AGBL1: variants seen among roughly 807,000 people sequenced by gnomAD.
The protein encoded by AGBL1 is AGBL carboxypeptidase 1.
AGBL1 carries 130 observed loss-of-function variants against 118.9 expected under a neutral mutation model. The observed-to-expected ratio is 1.09, with a 90% confidence interval of 0.95 to 1.26. AGBL1 has a LOEUF of 1.26. AGBL1 is among the 50% of genes most tolerant of loss of function. The pLI is 0.00. For synonymous variants in AGBL1, 555 were observed against 478.9 expected, an observed-to-expected ratio of 1.16 and a Z score of -2.08; for missense variants, 1,584 against 1,298.1, an observed-to-expected ratio of 1.22 and a Z score of -3.38.
chr15:86,971,640 C>T (rs975726365), intron 23 of AGBL1, among the ~76,000 whole-genome samples: 2 of 151,910 alleles, frequency 1.3e-5, no homozygotes, highest in African/African-American at 4.8e-5. Context: ...CATGATTTCT[C>T]CTCTTATTTG....
rs548765759 is a variant in AGBL1 at position 86,914,474 on chromosome 15, G to T, written c.*7180G>T. 1.3e-4 allele frequency: 20 copies of T among 152,230 alleles called. No homozygotes were observed. Among genetic ancestry groups the T allele is most frequent in the African/African-American group, 4.8e-4 (20 of 41,542 alleles). The allele number at this position is 152,230 out of a possible 1,614,324, so 9.4% of individuals were successfully genotyped here. On this transcript the variant is annotated 3_prime_UTR_variant, in exon 23 of 23. Transcript: ENST00000614907. ...CTGGAATCTGTTCCCGGGGAAATCT[G>T]ACTTCCTAACTCATGCTCCCTCCAC...
chr15:86,897,724 T>C (rs2080148732), intron 22 of AGBL1, among the ~76,000 whole-genome samples: 1 of 151,728 alleles, frequency 6.6e-6, no homozygotes, highest in Non-Finnish European at 1.5e-5. Context: ...TCACCTTTTT[T>C]TTTCTTGAAC....
intron 18 of AGBL1, among the ~76,000 whole-genome samples, chr15:86,511,528 A>C (rs1476735000): frequency 1.3e-5 from 2 of 152,024 alleles, no homozygotes; most frequent in Non-Finnish European, 2.9e-5. Flanking sequence ...TTTACTCTTT[A>C]TTCAGAGGCT....
chr15:86,845,616 C>T (rs564614399), intron 22 of AGBL1, among the ~76,000 whole-genome samples: 30 of 152,274 alleles, frequency 2.0e-4, no homozygotes, highest in Non-Finnish European at 3.1e-4. Context: ...GAAATGTATT[C>T]TCCATCTCAA....
At chr15:86,293,525 T>C (rs918884138) in intron 16 of AGBL1, among the ~76,000 whole-genome samples, 2 of 152,170 alleles carry the variant, frequency 1.3e-5, no homozygotes, top group African/African-American at 2.4e-5. Context: ...TGTGATTAGA[T>C]TGGCCACAAC....
chr15:86,330,227 A>G (rs2080248669), intron 17 of AGBL1, among the ~76,000 whole-genome samples: 1 of 152,180 alleles, frequency 6.6e-6, no homozygotes, highest in African/African-American at 2.4e-5. Flanking sequence ...GTAAACAAGG[A>G]TCAAGTATAT....
In AGBL1 at chr15:86,911,825, A is replaced by T. The variant is rs2080355847; in HGVS notation, c.*4531A>T. 1 of 152,204 alleles carries T rather than the reference A, an allele frequency of 6.6e-6. No homozygotes were observed. The highest frequency in any genetic ancestry group is 2.4e-5 in the African/African-American group (1 of 41,442). 9.4% of individuals were successfully genotyped at this position (152,204 alleles called of 1,614,324 possible). A position where few individuals can be genotyped will look rare whatever the true frequency, so the allele number is the denominator to read the frequency against. ...CTCATCACCCAATGCCAAGTTATAT[A>T]TAATCTCTCTTCCATGCCCCTGTTG... On this transcript the variant is annotated 3_prime_UTR_variant, in exon 23 of 23. Coordinates refer to ENST00000614907, the MANE Select transcript of AGBL1 (RefSeq NM_001386094.1).
intron 24 of AGBL1, among the ~76,000 whole-genome samples, chr15:86,995,909 A>C (rs1185298437): frequency 2.6e-5 from 4 of 152,168 alleles, no homozygotes; most frequent in Admixed American, 2.0e-4. Context: ...TTCTAATTTT[A>C]TGACACCACT....
chr15:86,097,395 TGAACACTA>T (rs1024979535), intron 1 of AGBL1, among the ~76,000 whole-genome samples: 5 of 152,128 alleles, frequency 3.3e-5, no homozygotes, highest in Non-Finnish European at 7.4e-5. Context: ...ACTCTCCTAT[TGAACACTA>T]GAACTTATTT....
Position 86,914,970 on chromosome 15 carries a change from C to G in AGBL1, c.*7676C>G, listed in dbSNP as rs938953252. 1 of 152,194 alleles carries G rather than the reference C, an allele frequency of 6.6e-6. No homozygotes were observed. Among genetic ancestry groups the G allele is most frequent in the Non-Finnish European group, 1.5e-5 (1 of 68,038 alleles). The allele number at this position is 152,194 out of a possible 1,614,324, so 9.4% of individuals were successfully genotyped here. ...AATCTCCTCCCAACAAAATCTCTAC[C>G]TCCAAATTCCTAAACTTGATTATGC... On this transcript the variant is annotated 3_prime_UTR_variant, in exon 23 of 23. Coordinates refer to ENST00000614907, the MANE Select transcript of AGBL1 (RefSeq NM_001386094.1).
chr15:86,218,531 G>A (rs566047355), intron 5 of AGBL1, among the ~76,000 whole-genome samples: 1 of 152,226 alleles, frequency 6.6e-6, no homozygotes, highest in Non-Finnish European at 1.5e-5. Flanking sequence ...GCTGAAACTT[G>A]TTTTTAACCC....
intron 18 of AGBL1, among the ~76,000 whole-genome samples, chr15:86,408,631 A>T (rs1428170578): frequency 6.6e-6 from 1 of 152,142 alleles, no homozygotes; most frequent in Non-Finnish European, 1.5e-5. Context: ...TTTTTGCTTC[A>T]TTTGGTTTTT....
intron 22 of AGBL1, among the ~76,000 whole-genome samples, chr15:86,825,968 G>A (rs1567193445): frequency 6.6e-6 from 1 of 151,840 alleles, no homozygotes; most frequent in African/African-American, 2.4e-5. Flanking sequence ...TACACATGCA[G>A]TTGTAAGAAA....
At chr15:86,090,470 A>G (rs769161937) in intron 1 of AGBL1, among the ~76,000 whole-genome samples, 2 of 152,130 alleles carry the variant, frequency 1.3e-5, no homozygotes, top group Non-Finnish European at 2.9e-5. Flanking sequence ...TTATATACCT[A>G]TATCTTTATC....
chr15:86,425,663 G>C (rs2081857906), intron 18 of AGBL1, among the ~76,000 whole-genome samples: 1 of 152,146 alleles, frequency 6.6e-6, no homozygotes, highest in Admixed American at 6.5e-5. Flanking sequence ...TTAAACTTCT[G>C]GTAATTTATA....
At chr15:86,196,875 G>GCGCA (rs898198414) in intron 5 of AGBL1, among the ~76,000 whole-genome samples, 2 of 86,696 alleles carry the variant, frequency 2.3e-5, no homozygotes, top group African/African-American at 1.2e-4. Flanking sequence ...ATGTGCGCGC[G>GCGCA]CGCGCACACA....
In AGBL1 at chr15:86,907,298, C is replaced by T. The variant is rs1046117447; in HGVS notation, c.*4C>T. On this transcript the variant is annotated 3_prime_UTR_variant, in exon 23 of 23. Transcript: ENST00000614907. ...GGGAGGAGAAGCCATCCCATAGCCCCGAGGTTCACAGCAAGTTCTGTGTCT... is the reference window on the plus strand; with the variant it reads ...GGGAGGAGAAGCCATCCCATAGCCCTGAGGTTCACAGCAAGTTCTGTGTCT... 7 of 152,286 alleles carry T rather than the reference C, an allele frequency of 4.6e-5. No individual in the cohort carries two copies. Among genetic ancestry groups the T allele is most frequent in the Non-Finnish European group, 7.3e-5 (5 of 68,198 alleles). The allele number at this position is 152,286 out of a possible 1,614,324, so 9.4% of individuals were successfully genotyped here.
intron 20 of AGBL1, among the ~76,000 whole-genome samples, chr15:86,554,020 C>T (rs1431773992): frequency 1.3e-5 from 2 of 152,092 alleles, no homozygotes; most frequent in Non-Finnish European, 2.9e-5. Flanking sequence ...GCCACCACAT[C>T]CAGCTAATTT....
At chr15:86,130,886 G>C (rs535013178) in intron 1 of AGBL1, among the ~76,000 whole-genome samples, 1 of 152,156 alleles carries the variant, frequency 6.6e-6, no homozygotes, top group Admixed American at 6.5e-5. Flanking sequence ...GGTGTCTCTT[G>C]TATGGTTGCA....
Sources: gnomAD v4.1 joint callset for allele counts (sites outside exome capture counted in the v4.1 genomes callset) on GRCh38, gnomAD v4.1.1 for gene constraint, MANE v1.5 for transcripts, NCBI Gene and HGNC (gene_info 2026-07-23, HGNC 2026-07-21) for gene names.